SMAD9: variants seen among roughly 807,000 people sequenced by gnomAD.
SMAD9 encodes SMAD family member 9, also known as MAD homolog 9.
In SMAD9, 36 loss-of-function variants were observed where a neutral mutation model predicts 46.1. That is an observed-to-expected ratio of 0.78 (90% CI 0.60 to 1.03). SMAD9 has a LOEUF of 1.03. SMAD9 is among the 50% of genes least tolerant of loss of function. The pLI, the probability that SMAD9 is intolerant of heterozygous loss-of-function variation, is 0.00. For missense variants in SMAD9, 572 were observed against 599.8 expected, an observed-to-expected ratio of 0.95 and a Z score of 0.48; for synonymous variants, 245 against 237.1, an observed-to-expected ratio of 1.03 and a Z score of -0.31.
rs492464 is a variant in SMAD9, at chr13:36,865,124, A to G, written c.1003+413T>C. ...ATTCTTTCTAACTACCTAGCTGCTA[A>G]GTCTCCAAAGGGAACTTCACCTGAT... is the stretch of plus-strand genomic sequence containing the variant. On this transcript the variant is annotated intron_variant, in intron 5 of 6. Coordinates refer to ENST00000379826, the MANE Select transcript of SMAD9 (RefSeq NM_001127217.3). Among the ~76,000 whole-genome samples the G allele has an allele frequency of 9.3e-3, 1,411 of 152,332 alleles. 24 individuals are homozygous for G. Among genetic ancestry groups the G allele is most frequent in the African/African-American group, 0.032 (1,342 of 41,566 alleles).
intron 3 of SMAD9, among the ~76,000 whole-genome samples, chr13:36,869,325 C>T (rs562080205): frequency 1.3e-4 from 19 of 151,910 alleles, no homozygotes; most frequent in African/African-American, 4.1e-4. Flanking sequence ...TGGATTCAAG[C>T]GATTCTCGTG....
At chr13:36,901,853 T>G (rs1224437510) in intron 1 of SMAD9, among the ~76,000 whole-genome samples, 1 of 152,254 alleles carries the variant, frequency 6.6e-6, no homozygotes, top group African/African-American at 2.4e-5. Flanking sequence ...TTGGGTTGTG[T>G]GTATTTTTGT....
Position 36,861,287 on chromosome 13 carries a change from G to A in SMAD9, c.1003+4250C>T, listed in dbSNP as rs539301376. ...AGGCTAATTGATATCTACTGGGTAG[G>A]GGAATGGCTCATCATTAACTATAAT... On this transcript the variant is annotated intron_variant, in intron 5 of 6. Coordinates refer to ENST00000379826, the MANE Select transcript of SMAD9 (RefSeq NM_001127217.3). 2.4e-4 allele frequency among the ~76,000 whole-genome samples: 36 copies of A among 152,260 alleles called. No homozygotes were observed. In the South Asian group the frequency reaches 6.6e-3, roughly 28 times the overall value.
chr13:36,892,048 A>G (rs1397688893), intron 1 of SMAD9, among the ~76,000 whole-genome samples: 1 of 152,238 alleles, frequency 6.6e-6, no homozygotes, highest in Non-Finnish European at 1.5e-5. Context: ...GACAGAGTAC[A>G]AGACCATGTT....
At chr13:36,851,936 G>A in intron 6 of SMAD9, 2 of 974,604 alleles carry the variant, frequency 2.1e-6, no homozygotes, top group Non-Finnish European at 2.4e-6. Flanking sequence ...TGAGATATTG[G>A]CATTTCATCC....
chr13:36,860,699 C>T (rs193242406), intron 5 of SMAD9, among the ~76,000 whole-genome samples: 7 of 151,840 alleles, frequency 4.6e-5, no homozygotes, highest in East Asian at 1.9e-4. Flanking sequence ...ATGATCCACC[C>T]GCCTCGTCCT....
At chr13:36,920,050 C>A in intron 1 of SMAD9, 66 bp downstream of exon 1, 1 of 149,780 alleles carries the variant, frequency 6.7e-6, no homozygotes, top group South Asian at 1.9e-4. Context: ...CCACCCAGGT[C>A]CGGCGCCCCC....
chr13:36,917,491 G>C lies in SMAD9; in HGVS notation c.-187+2625C>G, dbSNP rs75138023. Among the ~76,000 whole-genome samples, 1,049 of 151,690 alleles carry C rather than the reference G, an allele frequency of 6.9e-3. 9 individuals are homozygous for C. The highest frequency in any genetic ancestry group is 0.024 in the African/African-American group (976 of 41,314). ...CAACAGCCTAGAATTACAACTATTT[G>C]AGAAGATTCATGGTTTCAACGTACT... On this transcript the variant is annotated intron_variant, in intron 1 of 6. Coordinates refer to ENST00000379826, the MANE Select transcript of SMAD9 (RefSeq NM_001127217.3).
At chr13:36,916,168 T>TA (rs993922027) in intron 1 of SMAD9, among the ~76,000 whole-genome samples, 52 of 152,320 alleles carry the variant, frequency 3.4e-4, no homozygotes, top group African/African-American at 1.2e-3. Flanking sequence ...ACACATACAT[T>TA]AAAAACAGTA....
At chr13:36,862,039 A>C (rs1168296664) in intron 5 of SMAD9, among the ~76,000 whole-genome samples, 1 of 152,114 alleles carries the variant, frequency 6.6e-6, no homozygotes, top group African/African-American at 2.4e-5. Flanking sequence ...TGTAAACCAA[A>C]AATAAAACTG....
rs771460346 is a variant in SMAD9 at position 36,862,368 on chromosome 13, T to C, written c.1003+3169A>G. 3.9e-4 allele frequency among the ~76,000 whole-genome samples: 59 copies of C among 152,242 alleles called. 1 individual carries two copies. Among genetic ancestry groups the C allele is most frequent in the South Asian group, 2.5e-3 (12 of 4,818 alleles). On this transcript the variant is annotated intron_variant, in intron 5 of 6. Transcript: ENST00000379826. ...CAGCCAAAACCCACCCAAACCAAGA[T>C]GGCATTAAAGTGACCTCTAGTCATC...
intron 1 of SMAD9, among the ~76,000 whole-genome samples, chr13:36,907,024 T>C (rs573237082): frequency 1.9e-3 from 283 of 152,284 alleles, no homozygotes; most frequent in Non-Finnish European, 3.2e-3. Context: ...CAAATTGTTA[T>C]ATATATACAA....
At chr13:36,865,806 C>G in intron 4 of SMAD9, 48 bp from the exon 5 acceptor site, 1 of 1,471,554 alleles carries the variant, frequency 6.8e-7, no homozygotes. Flanking sequence ...CATACCTGGG[C>G]TGTGTAGTTC....
chr13:36,881,205 A>G (rs1020409043), intron 1 of SMAD9, among the ~76,000 whole-genome samples: 6 of 152,194 alleles, frequency 3.9e-5, no homozygotes, highest in African/African-American at 1.4e-4. Flanking sequence ...CTTCTGTGAA[A>G]TAGTTGGCTT....
rs144853467 is a variant in SMAD9, at chr13:36,858,499, T to C, written c.1004-4824A>G. On this transcript the variant is annotated intron_variant, in intron 5 of 6. Coordinates refer to ENST00000379826, the MANE Select transcript of SMAD9 (RefSeq NM_001127217.3). ...TCCAAGACTGCCCCTGATGACCAAGTTTCTCAGGACAACATGATAAACAAG... is the reference window on the plus strand; with the variant it reads ...TCCAAGACTGCCCCTGATGACCAAGCTTCTCAGGACAACATGATAAACAAG... Among the ~76,000 whole-genome samples, 676 of 152,278 alleles carry C rather than the reference T, an allele frequency of 4.4e-3. 7 individuals carry two copies. The highest frequency in any genetic ancestry group is 0.015 in the African/African-American group (635 of 41,548).
intron 1 of SMAD9, among the ~76,000 whole-genome samples, chr13:36,919,232 T>C (rs930602174): frequency 3.9e-5 from 6 of 152,148 alleles, no homozygotes; most frequent in African/African-American, 1.4e-4. Flanking sequence ...GAAGGAATAG[T>C]AACGGGAAAA....
chr13:36,914,819 C>T (rs189646826), intron 1 of SMAD9, among the ~76,000 whole-genome samples: 15 of 152,282 alleles, frequency 9.9e-5, no homozygotes, highest in South Asian at 6.2e-4. Context: ...TTCAGTTGAA[C>T]GCTACCATCC....
intron 2 of SMAD9, among the ~76,000 whole-genome samples, chr13:36,877,160 G>A (rs975565701): frequency 6.6e-6 from 1 of 152,026 alleles, no homozygotes; most frequent in Non-Finnish European, 1.5e-5. Context: ...TCAAGAGATC[G>A]AGACCATCCT....
At chr13:36,918,329 T>A (rs1156618974) in intron 1 of SMAD9, among the ~76,000 whole-genome samples, 1 of 152,136 alleles carries the variant, frequency 6.6e-6, no homozygotes, top group Non-Finnish European at 1.5e-5. Context: ...AGATCAAGAG[T>A]ATGTTGGCAT....
Sources: allele counts gnomAD v4.1 joint callset (sites outside exome capture counted in the v4.1 genomes callset), GRCh38; gene constraint gnomAD v4.1.1; transcripts MANE v1.5; gene names NCBI Gene and HGNC (gene_info 2026-07-23, HGNC 2026-07-21).